Variants in TOP2A observed in about 807,000 individuals in gnomAD.
TOP2A encodes DNA topoisomerase 2-alpha.
Under a neutral mutation model 187.2 loss-of-function variants are expected in TOP2A, and 68 were observed. The ratio of observed to expected loss-of-function variants is 0.36; its 90% CI spans 0.30 to 0.44. The LOEUF is 0.44. TOP2A is among the 20% of genes least tolerant of loss of function. TOP2A has a pLI of 1.00. For missense variants in TOP2A, 1,196 were observed against 1,808.7 expected (o/e 0.66, Z 6.14); for synonymous variants, 542 against 593.2 (o/e 0.91, Z 1.25).
In TOP2A at chr17:40,415,998, G is replaced by A; in HGVS notation, c.332+7C>T. On this transcript the variant is annotated splice_region_variant and intron_variant, in intron 4 of 34. Transcript: ENST00000423485. Reference sequence around the variant, plus strand: ...GCTACATAACAAAAACTAAGCAAAAGACGTACGGATCAATTGTGACTCTAA... The same window carrying A: ...GCTACATAACAAAAACTAAGCAAAAAACGTACGGATCAATTGTGACTCTAA... 6.4e-7 allele frequency: 1 copy of A among 1,574,138 alleles called. No individual in the cohort carries two copies. Among genetic ancestry groups the A allele is most frequent in the African/African-American group, 1.3e-5 (1 of 74,326 alleles).
rs2035160893 is a variant in TOP2A at position 40,400,285 on chromosome 17, T to C, written c.2924A>G (p.Glu975Gly). 1 of 1,613,924 alleles carries C rather than the reference T, an allele frequency of 6.2e-7. No individual in the cohort carries two copies. Among genetic ancestry groups the C allele is most frequent in the Admixed American group, 1.7e-5 (1 of 60,010 alleles). ...TVKFVVKMTE[E>G]KLAEAERVGL... ...AACTCTCTCTGCCTCTGCCAGTTTT[T>C]CTTCAGTCATCTTCACAACAAATTT... Residue 975 changes from glutamate to glycine, a missense_variant, in exon 23 of 35, where the codon GAA becomes GGA. By Grantham distance (98) the Glu-to-Gly change is moderately conservative (BLOSUM62 -2). Around this residue, in one of 10 missense-constraint regions of TOP2A, gnomAD observed 232 missense variants for 306.1 expected, o/e 0.76. Coordinates refer to ENST00000423485, the MANE Select transcript of TOP2A (RefSeq NM_001067.4).
intron 13 of TOP2A, 46 bp from the exon 14 acceptor site, chr17:40,406,988 G>C (rs2035255245): frequency 6.9e-7 from 1 of 1,442,244 alleles, no homozygotes; most frequent in African/African-American, 1.4e-5. Context: ...GTTAGGCTGG[G>C]CGTGGTAGCT....
At chr17:40,392,177 G>GAA in intron 31 of TOP2A, 41 bp downstream of exon 31, 1 of 1,611,594 alleles carries the variant, frequency 6.2e-7, no homozygotes, top group Non-Finnish European at 8.5e-7. Flanking sequence ...CAATATATTA[G>GAA]AAACAATCAT....
At chr17:40,396,515 C>T in intron 27 of TOP2A, 50 bp from the exon 28 acceptor site, 1 of 1,578,130 alleles carries the variant, frequency 6.3e-7, no homozygotes, top group Non-Finnish European at 8.6e-7. Context: ...AAAAACATTA[C>T]AATATCTAAA....
At chr17:40,409,254 T>C in intron 10 of TOP2A, 1 of 302,026 alleles carries the variant, frequency 3.3e-6, no homozygotes, top group Non-Finnish European at 6.3e-6. Context: ...GAAATGGCTG[T>C]AATCCTAGCT....
In TOP2A at chr17:40,407,560, T is replaced by C; in HGVS notation, c.1615A>G (p.Met539Val). ...ATAACAAATCTGACCTGATCTGTCA[T>C]AATCATTATCTTCCCATAACGAAGC... ...KTLRYGKIMI[M>V]TDQDQDGSHI... The change falls in exon 13 of 35, where the codon ATG becomes GTG. Residue 539 changes from methionine (M) to valine (V), a missense_variant. By Grantham distance (21) the Met-to-Val change is conservative. This residue lies in a region of TOP2A where 252 missense variants were observed against 434.8 expected (regional missense o/e 0.58). Coordinates refer to ENST00000423485, the MANE Select transcript of TOP2A (RefSeq NM_001067.4). The C allele has an allele frequency of 6.3e-7, 1 of 1,583,102 alleles. No homozygotes were observed.
chr17:40,405,450 C>CT (rs1472407909), intron 16 of TOP2A, among the ~76,000 whole-genome samples: 34 of 117,598 alleles, frequency 2.9e-4, no homozygotes, highest in Non-Finnish European at 4.8e-4. Flanking sequence ...TGCGCCCGAC[C>CT]TTTTTTGTTT....
Position 40,389,535 on chromosome 17 carries a change from T to C in TOP2A, c.4580A>G (p.Glu1527Gly). 1 of 1,592,384 alleles carries C rather than the reference T, an allele frequency of 6.3e-7. No homozygotes were observed. The change falls in exon 35 of 35, where the codon GAA becomes GGA. Residue 1527 changes from glutamate (E) to glycine (G), a missense_variant. By Grantham distance (98) the Glu-to-Gly change is moderately conservative. This residue lies in a region of TOP2A where 374 missense variants were observed against 403.3 expected (regional missense o/e 0.93). Transcript: ENST00000423485. ...KPIKYLEESD[E>G]DDLF ...CCTCACATTTTAAAACAGATCATCT[T>C]CATCTGACTCTTCCAGGTACTTTAT...
Position 40,399,102 on chromosome 17 carries a change from C to G in TOP2A, c.3226G>C (p.Val1076Leu). 6.4e-7 allele frequency: 1 copy of G among 1,570,908 alleles called. No individual in the cohort carries two copies. The highest frequency in any genetic ancestry group is 2.3e-5 in the East Asian group (1 of 43,052). ...ENKPKKELIK[V>L]LIQRGYDSDP... ...GAATCATATCCCCTCTGAATCAGAA[C>G]TTTAATTAATTCTTTCTTAGGCTTA... The change falls in exon 25 of 35, where the codon GTT (valine) becomes CTT (leucine). Residue 1076 changes from valine to leucine, a missense_variant. Coordinates refer to ENST00000423485, the MANE Select transcript of TOP2A (RefSeq NM_001067.4).
chr17:40,404,298 G>GT (rs745400054), intron 18 of TOP2A, 25 bp from the exon 19 acceptor site: 162 of 1,610,446 alleles, frequency 1.0e-4, no homozygotes, highest in Non-Finnish European at 1.2e-4. Context: ...AAGAGCAAAC[G>GT]TAAGTATCCT....
In TOP2A at chr17:40,392,092, T is replaced by G; in HGVS notation, c.4108A>C (p.Lys1370Gln). Residue 1370 changes from lysine (K) to glutamine (Q), a missense_variant, in exon 32 of 35, where the codon AAA (lysine) becomes CAA (glutamine). Lys to Gln is a moderately conservative substitution (Grantham distance 53). Around this residue, in one of 10 missense-constraint regions of TOP2A, gnomAD observed 374 missense variants for 403.3 expected, o/e 0.93. Coordinates refer to ENST00000423485, the MANE Select transcript of TOP2A (RefSeq NM_001067.4). Reference sequence around the variant, plus strand: ...CCTGACACGACACTTTTCTGTGGTTTCAGTTCTTTGTTACTAAGTCTAGAA... The same window carrying G: ...CCTGACACGACACTTTTCTGTGGTTGCAGTTCTTTGTTACTAAGTCTAGAA... The part of the protein sequence containing the change: ...TSPKLSNKEL[K>Q]PQKSVVSDLE... 6.2e-7 allele frequency: 1 copy of G among 1,612,440 alleles called. No individual in the cohort carries two copies. The highest frequency in any genetic ancestry group is 1.1e-5 in the South Asian group (1 of 90,566).
intron 10 of TOP2A, chr17:40,410,646 A>T: frequency 2.2e-6 from 1 of 456,342 alleles, no homozygotes; most frequent in East Asian, 6.9e-5. Flanking sequence ...TATTGACCGG[A>T]TTAGAGAGGA....
Position 40,406,372 on chromosome 17 carries a change from ACT to A in TOP2A, c.1953+10_1953+11del, listed in dbSNP as rs768848370. The A allele has an allele frequency of 3.8e-6, 6 of 1,598,126 alleles. No individual in the cohort carries two copies. The South Asian group carries it at 6.7e-5, about 18-fold the overall frequency. ...AAAATTAGAATGTATATAAAATACAACTCAAACCTACCAGGCTGATAGCAGCA... is the reference window on the plus strand; with the variant it reads ...AAAATTAGAATGTATATAAAATACAACAAACCTACCAGGCTGATAGCAGCA... On this transcript the variant is annotated intron_variant, in intron 16 of 34. Transcript: ENST00000423485.
At chr17:40,406,556 G>T in intron 15 of TOP2A, 28 bp downstream of exon 15, 2 of 1,605,598 alleles carry the variant, frequency 1.2e-6, no homozygotes, top group African/African-American at 2.7e-5. Flanking sequence ...AATAAAATGA[G>T]AAGTTCTATA....
At chr17:40,415,263 C>T (rs554373107) in intron 4 of TOP2A, among the ~76,000 whole-genome samples, 2 of 152,118 alleles carry the variant, frequency 1.3e-5, no homozygotes, top group Non-Finnish European at 2.9e-5. Context: ...ACCGTGTTAG[C>T]CAGGATGGTC....
chr17:40,391,852 G>A, intron 32 of TOP2A: 1 of 772,524 alleles, frequency 1.3e-6, no homozygotes, highest in South Asian at 2.1e-5. Flanking sequence ...ACCTAGCAAA[G>A]TACCTGGCAA....
At chr17:40,408,384 G>A (rs1438907063) in intron 11 of TOP2A, 108 bp downstream of exon 11, 4 of 1,196,258 alleles carry the variant, frequency 3.3e-6, no homozygotes, top group Non-Finnish European at 4.6e-6. Context: ...TTATTCTGTT[G>A]AATATAGTTA....
Position 40,411,341 on chromosome 17 carries a change from CA to C in TOP2A, c.1065+12del. The C allele has an allele frequency of 6.2e-7, 1 of 1,612,864 alleles. No individual in the cohort carries two copies. The highest frequency in any genetic ancestry group is 8.5e-7 in the Non-Finnish European group (1 of 1,179,298). On this transcript the variant is annotated intron_variant, in intron 9 of 34. Transcript: ENST00000423485. This position sits in a 1 kb window ranked among gnomAD's most constrained non-coding sequence, Gnocchi z 4.4. ...CTTGACTTTAGAAAAAGAAAACTGC[CA>C]AAAGCACATACCTGATGTGCTTTTA...
chr17:40,404,772 A>T lies in TOP2A; in HGVS notation c.2046+19T>A. 2 of 1,501,546 alleles carry T rather than the reference A, an allele frequency of 1.3e-6. No individual in the cohort carries two copies. Among genetic ancestry groups the T allele is most frequent in the Non-Finnish European group, 1.8e-6 (2 of 1,085,986 alleles). 93.0% of individuals were successfully genotyped at this position (1,501,546 alleles called of 1,614,324 possible). Reference sequence around the variant, plus strand: ...TCAGTCTAACAATCCATTTTGTGGCATATATTTAAAACTTTTACCTCAGGA... The same window carrying T: ...TCAGTCTAACAATCCATTTTGTGGCTTATATTTAAAACTTTTACCTCAGGA... On this transcript the variant is annotated intron_variant, in intron 17 of 34. Transcript: ENST00000423485.
Sources: allele counts gnomAD v4.1 joint callset (sites outside exome capture counted in the v4.1 genomes callset), GRCh38; gene constraint gnomAD v4.1.1; regional missense constraint gnomAD v4.1.1; non-coding constraint Gnocchi (gnomAD v3.1); transcripts MANE v1.5; gene names NCBI Gene and HGNC (gene_info 2026-07-23, HGNC 2026-07-21).